UBE4B: variants seen among roughly 807,000 people sequenced by gnomAD.
The protein encoded by UBE4B is ubiquitin conjugation factor E4 B.
In UBE4B, 27 loss-of-function variants were observed where a neutral mutation model predicts 148.1. That is an observed-to-expected ratio of 0.18 (90% CI 0.13 to 0.25). The LOEUF (loss-of-function observed/expected upper bound fraction) is 0.25, where lower values mean the gene tolerates loss of function less well. Among genes scored for constraint, UBE4B ranks in the 10% least tolerant of loss-of-function variants. The pLI is 1.00. For synonymous variants in UBE4B, 596 were observed against 619.3 expected (o/e 0.96, Z 0.56); for missense variants, 1,170 against 1,662.4 (o/e 0.70, Z 5.15).
At chr1:10,047,714 G>C (rs1236491853) in intron 1 of UBE4B, among the ~76,000 whole-genome samples, 2 of 151,804 alleles carry the variant, frequency 1.3e-5, no homozygotes, top group African/African-American at 2.4e-5. Context: ...GGATGGTCTC[G>C]ATCTCCTGAC....
At chr1:10,133,314 T>C (rs2101948143) in intron 15 of UBE4B, among the ~76,000 whole-genome samples, 1 of 152,344 alleles carries the variant, frequency 6.6e-6, no homozygotes, top group South Asian at 2.1e-4. Flanking sequence ...GTTTACTAAC[T>C]GCGGGACCTT....
intron 8 of UBE4B, 149 bp from the exon 9 acceptor site, chr1:10,119,364 G>A: frequency 1.5e-6 from 1 of 677,290 alleles, no homozygotes; most frequent in South Asian, 1.7e-5. Flanking sequence ...CACTTGGAAG[G>A]CACAGTTACT....
chr1:10,086,041 C>G (rs973286276), intron 2 of UBE4B, among the ~76,000 whole-genome samples: 8 of 151,784 alleles, frequency 5.3e-5, no homozygotes, highest in Non-Finnish European at 7.4e-5. Context: ...GCACAATCTC[C>G]GCTTACTGCA....
intron 1 of UBE4B, among the ~76,000 whole-genome samples, chr1:10,034,487 A>AC (rs1380180840): frequency 3.3e-5 from 5 of 151,916 alleles, no homozygotes; most frequent in African/African-American, 7.3e-5. Flanking sequence ...GTAAAAAAAA[A>AC]AACAACCAAA....
chr1:10,171,347 G>T lies in UBE4B; in HGVS notation c.3525+18G>T, dbSNP rs1646335576. ...ACGACCAGGTCAGTGAGTTGAGTTGGTCTCTCTGTGAGTTTACTGGCAGAT... is the reference window on the plus strand; with the variant it reads ...ACGACCAGGTCAGTGAGTTGAGTTGTTCTCTCTGTGAGTTTACTGGCAGAT... On this transcript the variant is annotated intron_variant, in intron 25 of 27. Coordinates refer to ENST00000343090, the MANE Select transcript of UBE4B (RefSeq NM_001105562.3). The T allele has an allele frequency of 6.2e-7, 1 of 1,610,474 alleles. No homozygotes were observed. The highest frequency in any genetic ancestry group is 8.5e-7 in the Non-Finnish European group (1 of 1,177,716).
intron 4 of UBE4B, 57 bp from the exon 5 acceptor site, chr1:10,102,891 A>G (rs760162570): frequency 1.9e-5 from 29 of 1,525,668 alleles, no homozygotes; most frequent in Non-Finnish European, 2.6e-5. Context: ...TTCCTATTGA[A>G]ACACCTAACT....
chr1:10,033,985 G>A (rs547486732), intron 1 of UBE4B, among the ~76,000 whole-genome samples: 114 of 152,276 alleles, frequency 7.5e-4, no homozygotes, highest in African/African-American at 2.7e-3. Flanking sequence ...CAGGGTATGC[G>A]AACAAGAAGG....
At chr1:10,128,478 A>C (rs1472206317) in intron 11 of UBE4B, 1 of 152,170 alleles carries the variant, frequency 6.6e-6, no homozygotes, top group Non-Finnish European at 1.5e-5. Context: ...ATCACCTTGG[A>C]ATCAGCTGGG....
chr1:10,113,735 G>A (rs941801068), intron 7 of UBE4B, among the ~76,000 whole-genome samples: 2 of 152,104 alleles, frequency 1.3e-5, no homozygotes, highest in Non-Finnish European at 2.9e-5. Context: ...ATCAGACTGA[G>A]GCCTGGCAGC....
chr1:10,088,457 C>G (rs1213945183), intron 2 of UBE4B, among the ~76,000 whole-genome samples: 1 of 151,778 alleles, frequency 6.6e-6, no homozygotes, highest in Non-Finnish European at 1.5e-5. Flanking sequence ...CTCACTGCAA[C>G]TTCCGCCTCC....
At chr1:10,070,415 G>A (rs1644464030) in intron 1 of UBE4B, among the ~76,000 whole-genome samples, 1 of 149,272 alleles carries the variant, frequency 6.7e-6, no homozygotes, top group Admixed American at 6.8e-5. Context: ...AGTGGACATA[G>A]CTGTGACATT....
At chr1:10,126,416 C>T (rs925150571) in intron 10 of UBE4B, among the ~76,000 whole-genome samples, 3 of 152,312 alleles carry the variant, frequency 2.0e-5, no homozygotes, top group South Asian at 2.1e-4. Context: ...GCTTGGTAAT[C>T]AAGAACATAT....
At position 10,095,466 on chromosome 1, in the gene UBE4B, G is replaced by A. The variant is rs1453711526; in HGVS notation, c.217G>A (p.Ala73Thr). The change falls in exon 3 of 28, where the codon GCC becomes ACC. Residue 73 changes from alanine to threonine, a missense_variant. Ala to Thr is a moderately conservative substitution (Grantham distance 58, BLOSUM62 0). This residue lies in a region of UBE4B where 127 missense variants were observed against 153.2 expected (regional missense o/e 0.83). Transcript: ENST00000343090. ...TTCCTGTGTTTTCTGTTTAGGAGTA[G>A]CCCATCGAAGCCAGAGCAGTGAAGG... ...ATSPIGASGV[A>T]HRSQSSEGVS... 2 of 1,614,052 alleles carry A rather than the reference G, an allele frequency of 1.2e-6. No homozygotes were observed. Among genetic ancestry groups the A allele is most frequent in the South Asian group, 2.2e-5 (2 of 91,080 alleles).
At chr1:10,034,955 T>C (rs910663602) in intron 1 of UBE4B, among the ~76,000 whole-genome samples, 2 of 152,166 alleles carry the variant, frequency 1.3e-5, no homozygotes, top group Non-Finnish European at 2.9e-5. Flanking sequence ...TTTCATTCGG[T>C]AGGAAATCTC....
At chr1:10,119,103 G>A (rs190277227) in intron 8 of UBE4B, among the ~76,000 whole-genome samples, 4 of 151,232 alleles carry the variant, frequency 2.6e-5, no homozygotes, top group East Asian at 3.9e-4. Context: ...GGATGGCGTC[G>A]ATCTCCTGAC....
chr1:10,150,943 C>T lies in UBE4B; in HGVS notation c.2691-383C>T, dbSNP rs547482236. On this transcript the variant is annotated intron_variant, in intron 20 of 27. Coordinates refer to ENST00000343090, the MANE Select transcript of UBE4B (RefSeq NM_001105562.3). ...TTGGGAGGTCGAGGCGGGCGGATCACGAGGTCAGGAGATCGAGACCATCCT... is the reference window on the plus strand; with the variant it reads ...TTGGGAGGTCGAGGCGGGCGGATCATGAGGTCAGGAGATCGAGACCATCCT... Among the ~76,000 whole-genome samples, 15 of 150,302 alleles carry T rather than the reference C, an allele frequency of 1.0e-4. No homozygotes were observed. The South Asian group carries it at 1.3e-3, about 13-fold the overall frequency.
intron 2 of UBE4B, among the ~76,000 whole-genome samples, chr1:10,090,859 A>G (rs759924793): frequency 1.3e-5 from 2 of 151,316 alleles, no homozygotes; most frequent in Non-Finnish European, 2.9e-5. Context: ...TAATGTTACA[A>G]GTTAAAGGTA....
At chr1:10,104,625 A>G (rs1471004467) in intron 5 of UBE4B, among the ~76,000 whole-genome samples, 1 of 152,232 alleles carries the variant, frequency 6.6e-6, no homozygotes, top group African/African-American at 2.4e-5. Context: ...TTTACTTATT[A>G]ACTCTGCTAA....
At chr1:10,144,256 A>G (rs1414006239) in intron 17 of UBE4B, among the ~76,000 whole-genome samples, 1 of 152,188 alleles carries the variant, frequency 6.6e-6, no homozygotes, top group Non-Finnish European at 1.5e-5. Context: ...CGTTAGTAAA[A>G]TAGCCTTTTG....
Sources: allele counts gnomAD v4.1 joint callset (sites outside exome capture counted in the v4.1 genomes callset), GRCh38; gene constraint gnomAD v4.1.1; regional missense constraint gnomAD v4.1.1; transcripts MANE v1.5; gene names NCBI Gene and HGNC (gene_info 2026-07-23, HGNC 2026-07-21).